PLEKHG1: variants seen among roughly 807,000 people sequenced by gnomAD.
PLEKHG1 encodes the protein pleckstrin homology domain-containing family G member 1.
PLEKHG1 carries 44 observed loss-of-function variants against 100.8 expected under a neutral mutation model. That is an observed-to-expected ratio of 0.44 (90% CI 0.34 to 0.56). The LOEUF is 0.56. PLEKHG1 is among the 20% of genes least tolerant of loss of function. PLEKHG1 has a pLI of 0.01. For synonymous variants in PLEKHG1, 640 were observed against 662.5 expected, an observed-to-expected ratio of 0.97 and a Z score of 0.52; for missense variants, 1,545 against 1,720.9, an observed-to-expected ratio of 0.90 and a Z score of 1.81.
chr6:150,831,256 A>G lies in PLEKHG1; in HGVS notation c.2145A>G (p.Ala715=). 1 of 1,614,092 alleles carries G rather than the reference A, an allele frequency of 6.2e-7. No homozygotes were observed. Among genetic ancestry groups the G allele is most frequent in the Non-Finnish European group, 8.5e-7 (1 of 1,179,998 alleles). ...GCCACAGTAAGGGCTCTCTTTACGC[A>G]CAAACAGATGGCACCCTCTCAGGTG... The change falls in exon 15 of 16, where the codon GCA becomes GCG. Residue 715 remains alanine, a synonymous_variant. Transcript: ENST00000358517. This position sits in a 1 kb window ranked among gnomAD's most constrained non-coding sequence, Gnocchi z 4.1.
chr6:150,629,521 C>T (rs940607148), intron 1 of PLEKHG1, among the ~76,000 whole-genome samples: 5 of 151,816 alleles, frequency 3.3e-5, no homozygotes, highest in East Asian at 1.9e-4. Flanking sequence ...AGTGCAGTGG[C>T]GCAATCTCGG....
At chr6:150,674,902 C>T (rs1306588150) in intron 3 of PLEKHG1, among the ~76,000 whole-genome samples, 1 of 152,068 alleles carries the variant, frequency 6.6e-6, no homozygotes, top group Non-Finnish European at 1.5e-5. Flanking sequence ...AGGCTGGTTT[C>T]GAACTCCTGA....
chr6:150,617,298 G>A (rs536706456), intron 1 of PLEKHG1, among the ~76,000 whole-genome samples: 3 of 152,304 alleles, frequency 2.0e-5, no homozygotes, highest in African/African-American at 7.2e-5. Flanking sequence ...GAAGAATTAA[G>A]AGACTTCCTT....
intron 2 of PLEKHG1, among the ~76,000 whole-genome samples, chr6:150,755,858 C>G (rs1783808500): frequency 6.6e-6 from 1 of 151,950 alleles, no homozygotes; most frequent in African/African-American, 2.4e-5. Context: ...TTTCCCAGGA[C>G]AGTAAATTTA....
At chr6:150,656,597 C>G (rs1778979508) in intron 3 of PLEKHG1, among the ~76,000 whole-genome samples, 1 of 152,192 alleles carries the variant, frequency 6.6e-6, no homozygotes, top group Non-Finnish European at 1.5e-5. Flanking sequence ...TGGAGCACCT[C>G]CTTTCATGCT....
chr6:150,810,448 A>G lies in PLEKHG1; in HGVS notation c.1278+714A>G, dbSNP rs971127228. Among the ~76,000 whole-genome samples the G allele has an allele frequency of 3.4e-5, 5 of 149,066 alleles. No individual in the cohort carries two copies. In the East Asian group the frequency reaches 1.0e-3, roughly 30 times the overall value. ...TAAATTTTGTATTTTTAGTAGAGAC[A>G]GCAAGACCCTGTCTCAAAAAAAAGA... On this transcript the variant is annotated intron_variant, in intron 10 of 15. Transcript: ENST00000358517.
intron 2 of PLEKHG1, among the ~76,000 whole-genome samples, chr6:150,764,077 C>A (rs1233846916): frequency 1.3e-5 from 2 of 152,036 alleles, no homozygotes; most frequent in African/African-American, 4.8e-5. Flanking sequence ...CCTAACCAGC[C>A]TCCCCAGCAG....
chr6:150,644,687 A>AT (rs1389092256), intron 2 of PLEKHG1, among the ~76,000 whole-genome samples: 1 of 151,974 alleles, frequency 6.6e-6, no homozygotes, highest in Non-Finnish European at 1.5e-5. Flanking sequence ...TTCCAAATAT[A>AT]TTTTTTTAAG....
Position 150,779,958 on chromosome 6 carries a change from G to A in PLEKHG1, c.513-6432G>A, listed in dbSNP as rs1013411706. The stretch of plus-strand genomic sequence containing the variant: ...AGCCTGGGTGACAGAGCGAGACTCC[G>A]TCTCAAAAAAAAAAGAAAGAAATAA... On this transcript the variant is annotated intron_variant, in intron 3 of 15. Transcript: ENST00000358517. 1.1e-4 allele frequency among the ~76,000 whole-genome samples: 17 copies of A among 150,158 alleles called. No individual in the cohort carries two copies. In the South Asian group the frequency reaches 2.4e-3, roughly 21 times the overall value.
chr6:150,816,704 C>T (rs1180499392), intron 10 of PLEKHG1, among the ~76,000 whole-genome samples: 1 of 152,132 alleles, frequency 6.6e-6, no homozygotes, highest in Non-Finnish European at 1.5e-5. Context: ...AGCCTGCCAC[C>T]AGATGCAGCT....
intron 5 of PLEKHG1, among the ~76,000 whole-genome samples, chr6:150,796,303 T>A (rs1344062842): frequency 6.6e-6 from 1 of 152,180 alleles, no homozygotes; most frequent in Non-Finnish European, 1.5e-5. Context: ...ACAGATTCTA[T>A]TTTTTTCCAA....
In PLEKHG1 at chr6:150,767,815, A is replaced by G. The variant is rs1441994915; in HGVS notation, c.412-823A>G. Among the ~76,000 whole-genome samples, 3 of 152,200 alleles carry G rather than the reference A, an allele frequency of 2.0e-5. No homozygotes were observed. In the East Asian group the frequency reaches 5.8e-4, roughly 29 times the overall value. ...CTTCATTGTTCAGCCTAGGGCAAGG[A>G]CTGTATTTACTTTTTATTTTACGTT... On this transcript the variant is annotated intron_variant, in intron 2 of 15. Coordinates refer to ENST00000358517, the Ensembl canonical transcript of PLEKHG1.
intron 10 of PLEKHG1, among the ~76,000 whole-genome samples, chr6:150,816,446 G>T (rs141169537): frequency 5.8e-5 from 8 of 138,380 alleles, no homozygotes; most frequent in Non-Finnish European, 1.1e-4. Context: ...TCCTGCCTCA[G>T]CCTCCTGAGT....
intron 3 of PLEKHG1, among the ~76,000 whole-genome samples, chr6:150,705,639 A>G (rs904284056): frequency 1.3e-5 from 2 of 152,226 alleles, no homozygotes; most frequent in Non-Finnish European, 2.9e-5. Context: ...CCCTGGGGGA[A>G]GCTTTTAGCT....
chr6:150,829,487 G>A (rs538035310), intron 14 of PLEKHG1, among the ~76,000 whole-genome samples: 10 of 152,062 alleles, frequency 6.6e-5, no homozygotes, highest in African/African-American at 2.2e-4. Context: ...GCGTGGTGGC[G>A]GGCACCTATA....
In PLEKHG1 at chr6:150,804,586, AAC is replaced by A. The variant is rs199520875; in HGVS notation, c.781-23_781-22del. On this transcript the variant is annotated intron_variant, in intron 6 of 15. Coordinates refer to ENST00000358517, the Ensembl canonical transcript of PLEKHG1. ...ATGAAAATAAAATGAAAAAAAAAAA[AAC>A]CCTCGTTCTTTTTTGTTTAAGGAAA... 7,249 of 1,483,552 alleles carry A rather than the reference AAC, an allele frequency of 4.9e-3. 57 individuals carry two copies. The highest frequency in any genetic ancestry group is 0.044 in the African/African-American group (2,950 of 67,476). The allele number at this position is 1,483,552 out of a possible 1,614,324, so 91.9% of individuals were successfully genotyped here.
At chr6:150,839,840 G>A in exon 16 of PLEKHG1, 1 of 1,600,248 alleles carries the variant, frequency 6.2e-7, no homozygotes, top group South Asian at 1.1e-5. Context: ...CAGGTGCCAG[G>A]ATTGCTGAGT....
At chr6:150,705,681 A>G (rs1780976720) in intron 3 of PLEKHG1, among the ~76,000 whole-genome samples, 2 of 152,110 alleles carry the variant, frequency 1.3e-5, no homozygotes, top group Non-Finnish European at 2.9e-5. Flanking sequence ...GGATTAGGGG[A>G]AAATGGTTGG....
intron 1 of PLEKHG1, among the ~76,000 whole-genome samples, chr6:150,608,620 G>A (rs995368576): frequency 1.3e-5 from 2 of 152,080 alleles, no homozygotes; most frequent in Admixed American, 1.3e-4. Flanking sequence ...ATTATTACTC[G>A]ATGCTTCAAT....
Sources: allele counts gnomAD v4.1 joint callset (sites outside exome capture counted in the v4.1 genomes callset), GRCh38; gene constraint gnomAD v4.1.1; non-coding constraint Gnocchi (gnomAD v3.1); transcripts MANE v1.5; gene names NCBI Gene and HGNC (gene_info 2026-07-23, HGNC 2026-07-21).